The following CLIP4 variants were observed in gnomAD, a reference collection of about 807,000 sequenced individuals.
CLIP4 encodes CAP-Gly domain containing linker protein family member 4.
CLIP4 carries 47 observed loss-of-function variants against 73.1 expected under a neutral mutation model. That is an observed-to-expected ratio of 0.64 (90% CI 0.51 to 0.82). The LOEUF (loss-of-function observed/expected upper bound fraction) is 0.82. CLIP4 is among the 40% of genes least tolerant of loss of function. CLIP4 has a pLI of 0.00. For missense variants in CLIP4, 874 were observed against 852.9 expected (o/e 1.02, Z -0.31); for synonymous variants, 306 against 295.4 (o/e 1.04, Z -0.37).
chr2:29,133,990 C>A (rs1362907783), intron 5 of CLIP4, among the ~76,000 whole-genome samples, 174 bp downstream of exon 5: 1 of 152,076 alleles, frequency 6.6e-6, no homozygotes, highest in East Asian at 1.9e-4. Flanking sequence ...TAATTACTAT[C>A]TTTTCTACAA....
At chr2:29,103,917 A>C (rs1038741556) in intron 1 of CLIP4, among the ~76,000 whole-genome samples, 1 of 151,702 alleles carries the variant, frequency 6.6e-6, no homozygotes, top group Admixed American at 6.6e-5. Context: ...GGGTTTCACT[A>C]TGTTGGCCAG....
chr2:29,144,909 C>G (rs954032847), intron 7 of CLIP4, among the ~76,000 whole-genome samples: 6 of 150,332 alleles, frequency 4.0e-5, no homozygotes, highest in African/African-American at 1.5e-4. Context: ...CTCAAGCAAC[C>G]CTCCTGCCTC....
At chr2:29,102,878 A>G (rs1300879165) in intron 1 of CLIP4, among the ~76,000 whole-genome samples, 1 of 152,130 alleles carries the variant, frequency 6.6e-6, no homozygotes, top group East Asian at 1.9e-4. Context: ...TCGGCCTCCC[A>G]AAGTGCTGGG....
At chr2:29,179,845 G>C (rs1162501118) in intron 15 of CLIP4, among the ~76,000 whole-genome samples, 1 of 151,888 alleles carries the variant, frequency 6.6e-6, no homozygotes, top group Non-Finnish European at 1.5e-5. Context: ...ATTTATTATT[G>C]TATTTGTGCA....
intron 8 of CLIP4, among the ~76,000 whole-genome samples, chr2:29,150,579 T>TATTC (rs775496601): frequency 6.6e-6 from 1 of 152,074 alleles, no homozygotes; most frequent in South Asian, 2.1e-4. Flanking sequence ...CTGCTGCCTG[T>TATTC]ATTCACACAT....
chr2:29,112,800 C>T (rs1668416133), upstream of CLIP4, among the ~76,000 whole-genome samples: 1 of 152,264 alleles, frequency 6.6e-6, no homozygotes, highest in Admixed American at 6.5e-5. Context: ...TCTCATGGTC[C>T]TAAGGGCCTA....
At chr2:29,147,438 T>C (rs1666247243) in intron 8 of CLIP4, among the ~76,000 whole-genome samples, 1 of 151,804 alleles carries the variant, frequency 6.6e-6, no homozygotes, top group South Asian at 2.1e-4. Context: ...TTTGGACATG[T>C]AGTTTTATGG....
At chr2:29,109,637 CTT>C (rs1019169306) in intron 1 of CLIP4, among the ~76,000 whole-genome samples, 7 of 152,178 alleles carry the variant, frequency 4.6e-5, no homozygotes, top group African/African-American at 1.4e-4. Flanking sequence ...ATAAAGAAGA[CTT>C]TGCATCATGT....
chr2:29,173,033 C>T (rs1668110134), intron 14 of CLIP4, among the ~76,000 whole-genome samples: 1 of 151,778 alleles, frequency 6.6e-6, no homozygotes, highest in African/African-American at 2.4e-5. Context: ...CTGATTCTGC[C>T]ATCTGTTTCT....
At position 29,168,711 on chromosome 2, in the gene CLIP4, A is replaced by G. The variant is rs1667798147; in HGVS notation, c.1723+1171A>G. On this transcript the variant is annotated intron_variant, in intron 14 of 15. Coordinates refer to ENST00000320081, the MANE Select transcript of CLIP4 (RefSeq NM_024692.6). ...CTAATTTTTTGTATTTTTAGTAGAGACGGGGTTTCATCGTGTTAGCCAGGA... is the reference window on the plus strand; with the variant it reads ...CTAATTTTTTGTATTTTTAGTAGAGGCGGGGTTTCATCGTGTTAGCCAGGA... Among the ~76,000 whole-genome samples the G allele has an allele frequency of 2.0e-5, 3 of 150,734 alleles. No homozygotes were observed. The South Asian group carries it at 6.4e-4, about 32-fold the overall frequency.
chr2:29,098,449 A>G (rs569326462), intron 1 of CLIP4, among the ~76,000 whole-genome samples: 3 of 152,292 alleles, frequency 2.0e-5, no homozygotes, highest in Admixed American at 6.5e-5. Flanking sequence ...TGATCATTTT[A>G]CGGTCTCCAT....
At chr2:29,107,598 G>A (rs568055705) in intron 1 of CLIP4, among the ~76,000 whole-genome samples, 1 of 151,768 alleles carries the variant, frequency 6.6e-6, no homozygotes, top group South Asian at 2.1e-4. Context: ...CTGGTCTGAA[G>A]CTCCTGACGT....
intron 2 of CLIP4, among the ~76,000 whole-genome samples, chr2:29,126,063 T>TGGTA (rs1664581907): frequency 1.3e-5 from 2 of 151,988 alleles, no homozygotes; most frequent in Non-Finnish European, 2.9e-5. Flanking sequence ...TGGTCCCAGC[T>TGGTA]ACTTGGGAGG....
In CLIP4 at chr2:29,168,512, CTTTTTTTTTTTTTT is replaced by C. The variant is rs35201336; in HGVS notation, c.1723+988_1723+1001del. Among the ~76,000 whole-genome samples the C allele has an allele frequency of 7.8e-3, 523 of 66,802 alleles. 11 individuals carry two copies. Among genetic ancestry groups the C allele is most frequent in the African/African-American group, 0.032 (489 of 15,182 alleles). 43.8% of individuals were successfully genotyped at this position (66,802 alleles called of 152,430 possible). A position where few individuals can be genotyped will look rare whatever the true frequency, so the allele number is the denominator to read the frequency against. ...ATAGCAAAACAGGTTATGGTTTGCCCTTTTTTTTTTTTTTTTTTTTTTTTTTTTTGAGACGAGTC... is the reference window on the plus strand; with the variant it reads ...ATAGCAAAACAGGTTATGGTTTGCCCTTTTTTTTTTTTTTTGAGACGAGTC... On this transcript the variant is annotated intron_variant, in intron 14 of 15. Coordinates refer to ENST00000320081, the MANE Select transcript of CLIP4 (RefSeq NM_024692.6).
intron 6 of CLIP4, among the ~76,000 whole-genome samples, chr2:29,141,953 T>C (rs930813454): frequency 1.1e-4 from 16 of 152,304 alleles, no homozygotes; most frequent in African/African-American, 3.8e-4. Context: ...GTATTATTTT[T>C]TTGTTTTCAT....
rs749101223 is a variant in CLIP4 at position 29,167,558 on chromosome 2, T to G, written c.1723+18T>G. The G allele has an allele frequency of 3.2e-6, 5 of 1,565,656 alleles. No individual in the cohort carries two copies. Among genetic ancestry groups the G allele is most frequent in the East Asian group, 4.6e-5 (2 of 43,750 alleles). ...TTATCCTGGTAAGACTACACAGTTT[T>G]GTGTTCCTAATCAATATTTCTTTGC... On this transcript the variant is annotated intron_variant, in intron 14 of 15. Coordinates refer to ENST00000320081, the MANE Select transcript of CLIP4 (RefSeq NM_024692.6).
chr2:29,163,469 TTC>T (rs1007688603), intron 12 of CLIP4, among the ~76,000 whole-genome samples: 26 of 152,276 alleles, frequency 1.7e-4, no homozygotes, highest in Admixed American at 1.4e-3. Flanking sequence ...TATGTTTCAC[TTC>T]TTTCACTGAA....
intron 15 of CLIP4, among the ~76,000 whole-genome samples, chr2:29,176,228 G>T (rs1015822080): frequency 1.6e-4 from 25 of 152,212 alleles, no homozygotes; most frequent in African/African-American, 5.8e-4. Flanking sequence ...AGTGCTCGAT[G>T]GCCTTCTGCC....
intron 6 of CLIP4, among the ~76,000 whole-genome samples, chr2:29,141,914 T>C (rs1665796191): frequency 6.6e-6 from 1 of 152,288 alleles, no homozygotes; most frequent in African/African-American, 2.4e-5. Flanking sequence ...CTATAGACTA[T>C]GTGCTTATGT....
Sources: allele counts gnomAD v4.1 joint callset (sites outside exome capture counted in the v4.1 genomes callset), GRCh38; gene constraint gnomAD v4.1.1; transcripts MANE v1.5; gene names NCBI Gene and HGNC (gene_info 2026-07-23, HGNC 2026-07-21).